Variants in DLG2 observed in about 807,000 individuals in gnomAD.
The protein encoded by DLG2 is discs large MAGUK scaffold protein 2.
Under a neutral mutation model 132.5 loss-of-function variants are expected in DLG2, and 45 were observed. That is an observed-to-expected ratio of 0.34 (90% CI 0.27 to 0.44). The LOEUF (loss-of-function observed/expected upper bound fraction) is 0.44, where lower values mean the gene tolerates loss of function less well. Among genes scored for constraint, DLG2 ranks in the 20% least tolerant of loss-of-function variants. The pLI is 1.00. For synonymous variants in DLG2, 424 were observed against 419.6 expected, an observed-to-expected ratio of 1.01 and a Z score of -0.13; for missense variants, 1,045 against 1,196.9, an observed-to-expected ratio of 0.87 and a Z score of 1.87.
At chr11:85,177,263 T>TTATTTATA (rs774212496) in intron 4 of DLG2, among the ~76,000 whole-genome samples, 12 of 137,070 alleles carry the variant, frequency 8.8e-5, no homozygotes, top group Non-Finnish European at 1.5e-4. Flanking sequence ...GTATATGTAT[T>TTATTTATA]TATATATATA....
intron 18 of DLG2, among the ~76,000 whole-genome samples, chr11:83,681,237 G>T (rs1242729333): frequency 2.6e-5 from 4 of 152,162 alleles, no homozygotes; most frequent in African/African-American, 9.7e-5. Context: ...CAACACAGCA[G>T]AGAGTCTAAG....
chr11:84,325,756 C>T (rs1413141003), intron 7 of DLG2, among the ~76,000 whole-genome samples: 1 of 152,016 alleles, frequency 6.6e-6, no homozygotes, highest in Admixed American at 6.5e-5. Context: ...GTAATGCTAG[C>T]CTTATAAAAT....
intron 6 of DLG2, among the ~76,000 whole-genome samples, chr11:84,592,386 C>A (rs993324670): frequency 9.9e-5 from 15 of 152,116 alleles, no homozygotes; most frequent in African/African-American, 3.4e-4. Flanking sequence ...CTAGGTAATA[C>A]CATTTAGGAC....
intron 21 of DLG2, among the ~76,000 whole-genome samples, chr11:83,507,761 TATATATATATATATATATATATA>T (rs2094797363): frequency 1.5e-4 from 2 of 12,940 alleles, no homozygotes; most frequent in African/African-American, 4.5e-4. Context: ...ATTTTTATTA[TATATATATATATATATATATATA>T]TATATATATA....
intron 6 of DLG2, among the ~76,000 whole-genome samples, chr11:84,835,519 C>T (rs1383238284): frequency 1.8e-4 from 28 of 151,616 alleles, no homozygotes; most frequent in Admixed American, 1.8e-3. Flanking sequence ...AGGAATTGTG[C>T]AATAAATTCT....
At chr11:84,251,409 A>T (rs1350504246) in intron 7 of DLG2, 118 bp from the exon 8 acceptor site, 3 of 686,832 alleles carry the variant, frequency 4.4e-6, no homozygotes, top group East Asian at 6.5e-5. Flanking sequence ...CTCTACAGGC[A>T]CCGTGTCAAG....
At chr11:83,497,303 G>A (rs1316656738) in intron 21 of DLG2, among the ~76,000 whole-genome samples, 2 of 152,214 alleles carry the variant, frequency 1.3e-5, no homozygotes, top group East Asian at 3.9e-4. Flanking sequence ...AGCACTTTGG[G>A]AGGCCAAGGT....
At chr11:84,510,453 A>T (rs1185531762) in intron 7 of DLG2, among the ~76,000 whole-genome samples, 1 of 152,142 alleles carries the variant, frequency 6.6e-6, no homozygotes, top group African/African-American at 2.4e-5. Context: ...ATTACACTAA[A>T]TAGATATAAG....
intron 6 of DLG2, among the ~76,000 whole-genome samples, chr11:84,856,629 G>A (rs1414511645): frequency 6.6e-6 from 1 of 151,900 alleles, no homozygotes; most frequent in African/African-American, 2.4e-5. Context: ...ATTTTCTCAT[G>A]GCTAGTCACC....
At chr11:83,687,490 T>A (rs2080018852) in intron 18 of DLG2, among the ~76,000 whole-genome samples, 1 of 152,174 alleles carries the variant, frequency 6.6e-6, no homozygotes, top group Non-Finnish European at 1.5e-5. Context: ...ATGCAGTGAT[T>A]TTTCATTGAG....
chr11:83,762,433 C>T (rs1239085013), intron 18 of DLG2, among the ~76,000 whole-genome samples: 1 of 152,100 alleles, frequency 6.6e-6, no homozygotes, highest in Non-Finnish European at 1.5e-5. Context: ...TCTAGCATCA[C>T]CTCACATTTT....
intron 3 of DLG2, among the ~76,000 whole-genome samples, chr11:85,593,988 G>A (rs1022521655): frequency 3.3e-5 from 5 of 151,648 alleles, no homozygotes; most frequent in Non-Finnish European, 5.9e-5. Flanking sequence ...ACACATAACT[G>A]GTATTTTTAA....
At chr11:85,501,781 G>A (rs528079515) in intron 3 of DLG2, among the ~76,000 whole-genome samples, 2 of 152,264 alleles carry the variant, frequency 1.3e-5, no homozygotes, top group South Asian at 4.1e-4. Context: ...AGATGCTGGA[G>A]AGGTTGTGAA....
intron 3 of DLG2, among the ~76,000 whole-genome samples, chr11:85,403,420 C>A (rs894607075): frequency 1.1e-4 from 17 of 151,980 alleles, no homozygotes; most frequent in African/African-American, 4.1e-4. Context: ...AGCAAACCAA[C>A]ATGGCTCATG....
intron 7 of DLG2, among the ~76,000 whole-genome samples, chr11:84,503,450 T>A (rs927941450): frequency 6.6e-6 from 1 of 152,152 alleles, no homozygotes. Flanking sequence ...ATTAAACTGT[T>A]TCTAACACAG....
chr11:84,528,369 G>C (rs2099327642), intron 7 of DLG2, among the ~76,000 whole-genome samples: 1 of 152,166 alleles, frequency 6.6e-6, no homozygotes, highest in Admixed American at 6.5e-5. Context: ...GGCTAAGAAA[G>C]CCCATCCTAT....
At chr11:85,343,350 T>C (rs544452100) in intron 3 of DLG2, among the ~76,000 whole-genome samples, 19 of 152,286 alleles carry the variant, frequency 1.2e-4, no homozygotes, top group African/African-American at 3.8e-4. Context: ...GCTTGTGCAC[T>C]CTCTCCCCTA....
chr11:85,476,668 C>T (rs1014122236), intron 3 of DLG2, among the ~76,000 whole-genome samples: 1 of 152,142 alleles, frequency 6.6e-6, no homozygotes, highest in East Asian at 1.9e-4. Context: ...GGAACACACA[C>T]TAACATAGGC....
chr11:84,689,674 G>A (rs1290130076), intron 6 of DLG2, among the ~76,000 whole-genome samples: 1 of 152,058 alleles, frequency 6.6e-6, no homozygotes, highest in Middle Eastern at 3.2e-3. Flanking sequence ...GGTACAATCA[G>A]TTATACGTCA....
Sources: gnomAD v4.1 joint callset for allele counts (sites outside exome capture counted in the v4.1 genomes callset) on GRCh38, gnomAD v4.1.1 for gene constraint, MANE v1.5 for transcripts, NCBI Gene and HGNC (gene_info 2026-07-23, HGNC 2026-07-21) for gene names.